ANK2: variants seen among roughly 807,000 people sequenced by gnomAD.
ANK2 encodes the protein ankyrin-2.
A neutral mutation model predicts 360.5 loss-of-function variants in ANK2; 83 were observed. That is an observed-to-expected ratio of 0.23 (90% CI 0.19 to 0.28). The LOEUF is 0.28. Ranked by LOEUF, ANK2 falls within the 10% of genes least tolerant of loss-of-function variation. The pLI, the probability that ANK2 is intolerant of heterozygous loss-of-function variation, is 1.00. For missense variants in ANK2, 4,201 were observed against 4,795.7 expected, an observed-to-expected ratio of 0.88 and a Z score of 3.66; for synonymous variants, 1,740 against 1,759.5, an observed-to-expected ratio of 0.99 and a Z score of 0.28.
At chr4:113,061,558 T>A (rs549786493) in intron 1 of ANK2, among the ~76,000 whole-genome samples, 31 of 152,164 alleles carry the variant, frequency 2.0e-4, no homozygotes, top group African/African-American at 6.7e-4. Context: ...ATCAATAATT[T>A]AAAAAAATTA....
rs1222497914 is a variant in ANK2 at position 113,367,676 on chromosome 4, G to C, written c.11143G>C (p.Glu3715Gln). The change falls in exon 42 of 46, where the codon GAA becomes CAA. Residue 3715 changes from glutamate (E) to glutamine (Q), a missense_variant. Physicochemically the swap from Glu to Gln is conservative, Grantham distance 29. This residue lies in a region of ANK2 where 2,642 missense variants were observed against 2,714.5 expected (regional missense o/e 0.97). Transcript: ENST00000357077. ...TCDHPPIVSE[E>Q]DISVGYSTFQ... is the part of the protein sequence containing the mutation. ...CGATCACCCTCCTATCGTCTCAGAGGAAGACATTTCTGTTGGTTATTCCAC... is the reference window on the plus strand; with the variant it reads ...CGATCACCCTCCTATCGTCTCAGAGCAAGACATTTCTGTTGGTTATTCCAC... 1.9e-6 allele frequency: 3 copies of C among 1,613,928 alleles called. No homozygotes were observed. The South Asian group carries it at 3.3e-5, about 18-fold the overall frequency.
chr4:113,059,921 G>A (rs757513932), intron 1 of ANK2, among the ~76,000 whole-genome samples: 2 of 152,118 alleles, frequency 1.3e-5, no homozygotes, highest in African/African-American at 2.4e-5. Context: ...TTCATTTAGT[G>A]TCAAAGGCAT....
At position 113,049,770 on chromosome 4, in the gene ANK2, G is replaced by A; in HGVS notation, c.42G>A (p.Glu14=). ...CAGCTCAGAAAAGCGACAGTGGAGAGAAGTTCAACGGCAGTAGTCAGAGGA... is the reference window on the plus strand; with the variant it reads ...CAGCTCAGAAAAGCGACAGTGGAGAAAAGTTCAACGGCAGTAGTCAGAGGA... The part of the protein sequence containing the change: ...EDAAQKSDSG[E]KFNGSSQRRK... The change falls in exon 1 of 46, where the codon GAG becomes GAA. Residue 14 remains glutamate (E), a synonymous_variant. Transcript: ENST00000357077. The A allele has an allele frequency of 6.2e-7, 1 of 1,613,844 alleles. No individual in the cohort carries two copies. The highest frequency in any genetic ancestry group is 2.2e-5 in the East Asian group (1 of 44,858).
chr4:113,045,327 G>C (rs964410099), upstream of ANK2, among the ~76,000 whole-genome samples: 2 of 152,104 alleles, frequency 1.3e-5, no homozygotes, highest in East Asian at 1.9e-4. Context: ...ATCTGACAGC[G>C]GTTTCTTTTC....
At chr4:112,738,394 A>G in the ANK2 span, among the ~76,000 whole-genome samples, 1 of 150,460 alleles carries the variant, frequency 6.6e-6, no homozygotes, top group Admixed American at 6.7e-5. Context: ...CCTGGGCAAC[A>G]AGAGTGAGAG....
chr4:112,913,527 A>G (rs997973475), intron 2 of ANK2, among the ~76,000 whole-genome samples: 4 of 152,232 alleles, frequency 2.6e-5, no homozygotes, highest in Non-Finnish European at 4.4e-5. Flanking sequence ...TAATTTTTGA[A>G]TAATACATTT....
chr4:113,024,607 C>T (rs1452616606), intron 2 of ANK2, among the ~76,000 whole-genome samples: 2 of 152,130 alleles, frequency 1.3e-5, no homozygotes, highest in Non-Finnish European at 2.9e-5. Context: ...TTGCAAAGTA[C>T]TTAAGGACAA....
intron 1 of ANK2, among the ~76,000 whole-genome samples, chr4:113,113,943 G>A: frequency 6.6e-6 from 1 of 152,088 alleles, no homozygotes; most frequent in East Asian, 1.9e-4. Context: ...TTATAAAGAG[G>A]CAAAGTTACC....
At chr4:112,871,438 T>G (rs1171694834) in intron 1 of ANK2, among the ~76,000 whole-genome samples, 1 of 152,186 alleles carries the variant, frequency 6.6e-6, no homozygotes, top group Non-Finnish European at 1.5e-5. Context: ...CCGCCTGCCT[T>G]GGCCTCCCAA....
intron 2 of ANK2, among the ~76,000 whole-genome samples, chr4:112,962,733 T>G (rs146381673): frequency 1.2e-3 from 188 of 152,260 alleles, no homozygotes; most frequent in Middle Eastern, 6.8e-3. Context: ...GCCTAATAAG[T>G]CAGAAGCTAT....
the ANK2 span, among the ~76,000 whole-genome samples, chr4:112,763,010 T>C: frequency 1.3e-5 from 2 of 152,368 alleles, no homozygotes; most frequent in South Asian, 4.1e-4. Flanking sequence ...AATTAAATTG[T>C]AAATGATGGG....
the ANK2 span, among the ~76,000 whole-genome samples, chr4:112,804,780 C>T: frequency 6.6e-5 from 10 of 151,940 alleles, no homozygotes; most frequent in East Asian, 1.5e-3. Flanking sequence ...CACAGCAAGA[C>T]CCTGTCTCTA....
At chr4:112,781,929 A>G in the ANK2 span, among the ~76,000 whole-genome samples, 1 of 148,012 alleles carries the variant, frequency 6.8e-6, no homozygotes, top group Non-Finnish European at 1.5e-5. Context: ...TCCAGGGTTC[A>G]AGTGGTTCTC....
intron 1 of ANK2, among the ~76,000 whole-genome samples, chr4:112,885,963 G>A (rs2078251006): frequency 1.3e-5 from 2 of 152,128 alleles, no homozygotes; most frequent in Admixed American, 1.3e-4. Context: ...TCTGGGAACA[G>A]TTTTCTGCCC....
intron 2 of ANK2, among the ~76,000 whole-genome samples, chr4:112,907,503 C>A (rs1038675535): frequency 2.6e-5 from 4 of 152,174 alleles, no homozygotes; most frequent in Non-Finnish European, 4.4e-5. Flanking sequence ...TTCCCCTCCT[C>A]CTCATCCTAC....
At chr4:112,709,876 C>T in the ANK2 span, among the ~76,000 whole-genome samples, 2 of 152,350 alleles carry the variant, frequency 1.3e-5, no homozygotes, top group Middle Eastern at 3.4e-3. Context: ...GACCGTCTGT[C>T]ATTGGTGCCA....
intron 1 of ANK2, among the ~76,000 whole-genome samples, chr4:112,860,432 G>T (rs532134089): frequency 6.6e-6 from 1 of 152,018 alleles, no homozygotes; most frequent in Non-Finnish European, 1.5e-5. Context: ...TCACCATGTT[G>T]GTCAGGCTGG....
intron 2 of ANK2, among the ~76,000 whole-genome samples, chr4:113,024,769 C>T (rs1013834705): frequency 1.3e-5 from 2 of 152,086 alleles, no homozygotes; most frequent in Non-Finnish European, 2.9e-5. Context: ...TAGAAGATAA[C>T]ACAATTTAGG....
At chr4:112,722,612 G>A in the ANK2 span, among the ~76,000 whole-genome samples, 1 of 152,186 alleles carries the variant, frequency 6.6e-6, no homozygotes, top group Non-Finnish European at 1.5e-5. Context: ...GGCTGCCACA[G>A]TTCCAAAAAT....
Sources: allele counts gnomAD v4.1 joint callset (sites outside exome capture counted in the v4.1 genomes callset), GRCh38; gene constraint gnomAD v4.1.1; regional missense constraint gnomAD v4.1.1; transcripts MANE v1.5; gene names NCBI Gene and HGNC (gene_info 2026-07-23, HGNC 2026-07-21).